Variants in CNTN6 observed in about 807,000 individuals in gnomAD.
CNTN6 encodes contactin-6.
A neutral mutation model predicts 122.8 loss-of-function variants in CNTN6; 137 were observed. The ratio of observed to expected loss-of-function variants is 1.12; its 90% CI spans 0.97 to 1.29. The LOEUF is 1.29. CNTN6 is among the 50% of genes most tolerant of loss of function. The pLI is 0.00. For synonymous variants in CNTN6, 570 were observed against 426.0 expected (o/e 1.34, Z -4.16); for missense variants, 1,634 against 1,223.4 (o/e 1.34, Z -5.01).
At chr3:1,140,781 C>T (rs7614293) in intron 1 of CNTN6, among the ~76,000 whole-genome samples, 3,296 of 152,242 alleles carry the variant, frequency 0.022, 132 homozygotes, top group African/African-American at 0.075. Flanking sequence ...CTGTTAACAA[C>T]TTAACATGTA....
chr3:1,358,119 G>C (rs1005483982), intron 12 of CNTN6, among the ~76,000 whole-genome samples: 2 of 151,388 alleles, frequency 1.3e-5, no homozygotes, highest in Non-Finnish European at 2.9e-5. Flanking sequence ...TTTTGTGTTT[G>C]GTGTCATTCA....
intron 4 of CNTN6, among the ~76,000 whole-genome samples, chr3:1,277,725 A>G (rs1359030907): frequency 6.6e-6 from 1 of 152,154 alleles, no homozygotes; most frequent in Non-Finnish European, 1.5e-5. Flanking sequence ...AAAGAAACTG[A>G]GGCTCAAAGA....
At chr3:1,384,113 T>C (rs1692378164) in intron 19 of CNTN6, among the ~76,000 whole-genome samples, 1 of 152,170 alleles carries the variant, frequency 6.6e-6, no homozygotes, top group South Asian at 2.1e-4. Context: ...ATTCAGTAAG[T>C]AAGATGAGTA....
At chr3:1,292,514 A>G (rs1695502093) in intron 5 of CNTN6, among the ~76,000 whole-genome samples, 3 of 152,192 alleles carry the variant, frequency 2.0e-5, no homozygotes, top group African/African-American at 7.2e-5. Context: ...AGATAGAATA[A>G]ATAAAACTAA....
chr3:1,224,887 A>C (rs2094259084), intron 3 of CNTN6, among the ~76,000 whole-genome samples: 1 of 152,170 alleles, frequency 6.6e-6, no homozygotes, highest in African/African-American at 2.4e-5. Flanking sequence ...CTGGGATTAC[A>C]GGCGTGTGCC....
intron 11 of CNTN6, among the ~76,000 whole-genome samples, chr3:1,336,139 T>C (rs1575754844): frequency 2.6e-5 from 4 of 151,892 alleles, no homozygotes; most frequent in Admixed American, 2.6e-4. Context: ...AAAAAAAGCC[T>C]ACTGCACTTT....
Position 1,278,500 on chromosome 3 carries a change from A to G in CNTN6, c.446A>G (p.His149Arg), listed in dbSNP as rs1429077071. The stretch of plus-strand genomic sequence containing the variant: ...GTGCTTCTCTGTGGCCCACCGCCAC[A>G]TTTTGGAGGTATGATGGGGTGATTT... The part of the protein sequence containing the change: ...GVVLLCGPPP[H>R]FGDLSYAWTF... The change falls in exon 5 of 23, where the codon CAT (histidine) becomes CGT (arginine). Residue 149 changes from histidine (H) to arginine (R), a missense_variant. Physicochemically the swap from His to Arg is conservative, Grantham distance 29 (BLOSUM62 0). Coordinates refer to ENST00000446702, the MANE Select transcript of CNTN6 (RefSeq NM_001289080.2). 6.2e-6 allele frequency: 10 copies of G among 1,611,624 alleles called. No individual in the cohort carries two copies. Among genetic ancestry groups the G allele is most frequent in the Admixed American group, 1.7e-5 (1 of 59,792 alleles).
chr3:1,158,253 T>C (rs889077146), intron 2 of CNTN6, among the ~76,000 whole-genome samples: 6 of 152,250 alleles, frequency 3.9e-5, no homozygotes, highest in Non-Finnish European at 7.3e-5. Context: ...TATCTCATTG[T>C]AGTTTTGATT....
In CNTN6 at chr3:1,333,456, C is replaced by A. The variant is rs536740997; in HGVS notation, c.1364+3521C>A. The stretch of plus-strand genomic sequence containing the variant: ...CTCATACCTCTGTTAAAACATGACA[C>A]AGTTGTATATATATGAAGAATAAAA... On this transcript the variant is annotated intron_variant, in intron 11 of 22. Transcript: ENST00000446702. Among the ~76,000 whole-genome samples the A allele has an allele frequency of 3.3e-5, 5 of 151,950 alleles. No individual in the cohort carries two copies. The South Asian group carries it at 1.0e-3, about 32-fold the overall frequency.
chr3:1,139,755 G>A (rs79366521), intron 1 of CNTN6, among the ~76,000 whole-genome samples: 3,183 of 152,200 alleles, frequency 0.021, 61 homozygotes, highest in Non-Finnish European at 0.031. Flanking sequence ...AAAGGGAAGT[G>A]ACTTACAGAA....
chr3:1,108,457 C>T (rs1410454068), intron 1 of CNTN6, among the ~76,000 whole-genome samples: 2 of 151,944 alleles, frequency 1.3e-5, no homozygotes, highest in Admixed American at 6.6e-5. Context: ...TGTGATGTGT[C>T]ACATGAGGTC....
intron 1 of CNTN6, among the ~76,000 whole-genome samples, chr3:1,135,922 G>T (rs970750601): frequency 1.3e-5 from 2 of 152,112 alleles, no homozygotes; most frequent in African/African-American, 4.8e-5. Flanking sequence ...AACCTGGGAG[G>T]CGGAGGTTGC....
At chr3:1,389,217 G>C (rs1008351306) in intron 20 of CNTN6, among the ~76,000 whole-genome samples, 2 of 151,262 alleles carry the variant, frequency 1.3e-5, no homozygotes, top group Admixed American at 6.6e-5. Context: ...CAGATCTCTC[G>C]GCAGAATCTC....
At position 1,147,954 on chromosome 3, in the gene CNTN6, A is replaced by G; in HGVS notation, c.-55A>G. ...TCTTGAGATACTGACTGGAAGATAG[A>G]CTGTTTTGTTCCACCTGATTGTATG... On this transcript the variant is annotated 5_prime_UTR_variant, in exon 2 of 23. Coordinates refer to ENST00000446702, the MANE Select transcript of CNTN6 (RefSeq NM_001289080.2). 1.6e-6 allele frequency: 2 copies of G among 1,273,756 alleles called. No homozygotes were observed. The highest frequency in any genetic ancestry group is 2.3e-6 in the Non-Finnish European group (2 of 874,948). 78.9% of individuals were successfully genotyped at this position (1,273,756 alleles called of 1,614,324 possible).
chr3:1,361,131 T>C (rs1707400678), intron 12 of CNTN6, among the ~76,000 whole-genome samples: 1 of 152,208 alleles, frequency 6.6e-6, no homozygotes, highest in East Asian at 1.9e-4. Flanking sequence ...CAAATATTTT[T>C]GGTTTTCACA....
At chr3:1,358,992 C>T (rs756515223) in intron 12 of CNTN6, among the ~76,000 whole-genome samples, 12 of 151,916 alleles carry the variant, frequency 7.9e-5, no homozygotes, top group Non-Finnish European at 1.6e-4. Context: ...CTCAGAAATT[C>T]AAGATTGCAG....
intron 5 of CNTN6, among the ~76,000 whole-genome samples, chr3:1,292,842 C>G (rs1286310907): frequency 6.6e-6 from 1 of 152,098 alleles, no homozygotes. Flanking sequence ...TCCACTCACT[C>G]TGAGAAAACC....
intron 19 of CNTN6, among the ~76,000 whole-genome samples, chr3:1,384,740 C>CATATATACACATATATATACAT (rs1192028173): frequency 1.2e-4 from 13 of 106,006 alleles, no homozygotes; most frequent in Admixed American, 2.8e-4. Context: ...CATATATATA[C>CATATATACACATATATATACAT]ATATATACAC....
chr3:1,131,752 G>T (rs2092341918), intron 1 of CNTN6, among the ~76,000 whole-genome samples: 1 of 152,028 alleles, frequency 6.6e-6, no homozygotes, highest in African/African-American at 2.4e-5. Flanking sequence ...CAATAAAAAT[G>T]CCCTTTGCCT....
Sources: gnomAD v4.1 joint callset for allele counts (sites outside exome capture counted in the v4.1 genomes callset) on GRCh38, gnomAD v4.1.1 for gene constraint, MANE v1.5 for transcripts, NCBI Gene and HGNC (gene_info 2026-07-23, HGNC 2026-07-21) for gene names.